Variants in SEMA6D observed in about 807,000 individuals in gnomAD.
The protein encoded by SEMA6D is semaphorin 6D.
Under a neutral mutation model 106.6 loss-of-function variants are expected in SEMA6D, and 35 were observed. That is an observed-to-expected ratio of 0.33 (90% CI 0.25 to 0.44). The LOEUF (loss-of-function observed/expected upper bound fraction) is 0.44, where lower values mean the gene tolerates loss of function less well. Ranked by LOEUF, SEMA6D falls within the 20% of genes least tolerant of loss-of-function variation. The probability of loss-of-function intolerance (pLI) is 1.00; values close to 1 mark genes in which losing one functional copy is unlikely to be tolerated. For synonymous variants in SEMA6D, 499 were observed against 487.7 expected (o/e 1.02, Z -0.31); for missense variants, 1,185 against 1,345.9 (o/e 0.88, Z 1.87).
intron 15 of SEMA6D, 32 bp from the exon 16 acceptor site, chr15:47,766,584 A>T: frequency 6.2e-7 from 1 of 1,611,060 alleles, no homozygotes; most frequent in Non-Finnish European, 8.5e-7. Flanking sequence ...AAGGCTGTTA[A>T]CCGAAGACTT....
chr15:47,575,160 C>T (rs569054983), intron 3 of SEMA6D, among the ~76,000 whole-genome samples: 2 of 152,312 alleles, frequency 1.3e-5, no homozygotes, highest in East Asian at 3.9e-4. Flanking sequence ...ACAAATTAAT[C>T]GCATCAATTA....
intron 1 of SEMA6D, among the ~76,000 whole-genome samples, chr15:47,747,119 A>C (rs1238865211): frequency 1.3e-5 from 2 of 152,048 alleles, no homozygotes; most frequent in African/African-American, 4.8e-5. Flanking sequence ...TTCTGCTTAC[A>C]TATCAGGCTC....
At chr15:47,377,859 A>G (rs2039503303) in intron 1 of SEMA6D, among the ~76,000 whole-genome samples, 1 of 152,212 alleles carries the variant, frequency 6.6e-6, no homozygotes, top group Non-Finnish European at 1.5e-5. Flanking sequence ...CCTTTTAGTC[A>G]GAAGGTGGTA....
chr15:47,385,876 G>A (rs1169309646), intron 1 of SEMA6D, among the ~76,000 whole-genome samples: 1 of 152,122 alleles, frequency 6.6e-6, no homozygotes, highest in African/African-American at 2.4e-5. Context: ...AATTTTGACA[G>A]GGGTTGAATA....
Position 47,411,337 on chromosome 15 carries a change from C to T in SEMA6D, c.-238-1056C>T, listed in dbSNP as rs150734428. Among the ~76,000 whole-genome samples the T allele has an allele frequency of 5.3e-5, 8 of 152,070 alleles. No individual in the cohort carries two copies. The East Asian group carries it at 7.8e-4, about 15-fold the overall frequency. On this transcript the variant is annotated intron_variant, in intron 1 of 19. Coordinates refer to the SEMA6D transcript ENST00000558014. ...GTCTCGATCTCCTGACCTCGTGATCCGCCTGCCTCAGCCTCCCAAAGTGCT... is the reference window on the plus strand; with the variant it reads ...GTCTCGATCTCCTGACCTCGTGATCTGCCTGCCTCAGCCTCCCAAAGTGCT...
At chr15:47,638,563 T>C (rs1271490065) in intron 4 of SEMA6D, among the ~76,000 whole-genome samples, 14 of 152,214 alleles carry the variant, frequency 9.2e-5, no homozygotes, top group Non-Finnish European at 4.4e-5. Context: ...TAATGAAATG[T>C]ATAATTAATA....
chr15:47,394,800 C>G (rs1429148712), intron 1 of SEMA6D, among the ~76,000 whole-genome samples: 1 of 152,156 alleles, frequency 6.6e-6, no homozygotes, highest in Non-Finnish European at 1.5e-5. Context: ...AAGCAGACCG[C>G]CACACGTGCA....
At chr15:47,606,598 A>T (rs2076787670) in intron 4 of SEMA6D, among the ~76,000 whole-genome samples, 1 of 152,214 alleles carries the variant, frequency 6.6e-6, no homozygotes, top group African/African-American at 2.4e-5. Flanking sequence ...CTTGAATACC[A>T]AGAGGCAGGA....
At chr15:47,302,063 G>T (rs1566983367) in intron 1 of SEMA6D, among the ~76,000 whole-genome samples, 1 of 152,126 alleles carries the variant, frequency 6.6e-6, no homozygotes. Flanking sequence ...CCCCATGTTA[G>T]CCCCTACTGC....
At chr15:47,479,099 C>CA (rs368107725) in intron 3 of SEMA6D, among the ~76,000 whole-genome samples, 12 of 152,252 alleles carry the variant, frequency 7.9e-5, no homozygotes, top group African/African-American at 2.9e-4. Context: ...ACAGCCAAAC[C>CA]ATATCAGCCA....
At chr15:47,751,248 C>T (rs941591969) in intron 1 of SEMA6D, among the ~76,000 whole-genome samples, 2 of 152,156 alleles carry the variant, frequency 1.3e-5, no homozygotes. Flanking sequence ...AGAATCTAGG[C>T]ACATGAATGC....
At chr15:47,591,991 A>G (rs974602326) in intron 3 of SEMA6D, among the ~76,000 whole-genome samples, 1 of 152,194 alleles carries the variant, frequency 6.6e-6, no homozygotes, top group African/African-American at 2.4e-5. Context: ...TTGTTAAATG[A>G]TAAATTTTGG....
chr15:47,257,118 C>T (rs565039362), intron 1 of SEMA6D, among the ~76,000 whole-genome samples: 5 of 150,524 alleles, frequency 3.3e-5, no homozygotes, highest in African/African-American at 7.3e-5. Flanking sequence ...AGTGCAGTGC[C>T]ACAATCTCAG....
At chr15:47,532,018 A>G (rs2044989242) in intron 3 of SEMA6D, among the ~76,000 whole-genome samples, 1 of 151,784 alleles carries the variant, frequency 6.6e-6, no homozygotes, top group South Asian at 2.1e-4. Flanking sequence ...CACACTATAC[A>G]CTCCAGCCCC....
intron 4 of SEMA6D, among the ~76,000 whole-genome samples, chr15:47,690,226 C>T (rs2078556569): frequency 6.6e-6 from 1 of 152,176 alleles, no homozygotes; most frequent in South Asian, 2.1e-4. Context: ...CCTCTTAGGG[C>T]CTTAGGTCAT....
At chr15:47,715,780 A>AT (rs935500561), upstream of SEMA6D, among the ~76,000 whole-genome samples, 6 of 152,012 alleles carry the variant, frequency 3.9e-5, no homozygotes, top group South Asian at 2.1e-4. Context: ...CCAGAATTTA[A>AT]TTTTTTTTCC....
chr15:47,273,227 T>C (rs1198761983), intron 1 of SEMA6D, among the ~76,000 whole-genome samples: 2 of 145,588 alleles, frequency 1.4e-5, no homozygotes, highest in South Asian at 2.3e-4. Context: ...CCTTCTGAAG[T>C]GGGAGCCTTC....
chr15:47,544,673 A>G (rs1390644651), intron 3 of SEMA6D, among the ~76,000 whole-genome samples: 1 of 152,014 alleles, frequency 6.6e-6, no homozygotes, highest in African/African-American at 2.4e-5. Flanking sequence ...ACCTTCTGGA[A>G]TATGAAGGAC....
At chr15:47,583,850 A>G (rs2076292584) in intron 3 of SEMA6D, among the ~76,000 whole-genome samples, 1 of 152,188 alleles carries the variant, frequency 6.6e-6, no homozygotes. Context: ...CCAGAGGTCA[A>G]AGAGGTTACT....
Sources: allele counts gnomAD v4.1 joint callset (sites outside exome capture counted in the v4.1 genomes callset), GRCh38; gene constraint gnomAD v4.1.1; transcripts MANE v1.5; gene names NCBI Gene and HGNC (gene_info 2026-07-23, HGNC 2026-07-21).